The following ANKFN1 variants were observed in gnomAD, a reference collection of about 807,000 sequenced individuals.
ANKFN1 encodes the protein ankyrin repeat and fibronectin type-III domain-containing protein 1.
ANKFN1 carries 74 observed loss-of-function variants against 108.7 expected under a neutral mutation model. The ratio of observed to expected loss-of-function variants is 0.68; its 90% CI spans 0.56 to 0.83. The LOEUF (loss-of-function observed/expected upper bound fraction) is 0.83. Ranked by LOEUF, ANKFN1 falls within the 40% of genes least tolerant of loss-of-function variation. The pLI, the probability that ANKFN1 is intolerant of heterozygous loss-of-function variation, is 0.00. For synonymous variants in ANKFN1, 547 were observed against 516.2 expected (o/e 1.06, Z -0.81); for missense variants, 1,505 against 1,382.3 (o/e 1.09, Z -1.41).
intron 3 of ANKFN1, among the ~76,000 whole-genome samples, chr17:56,232,033 G>A (rs1246817915): frequency 6.6e-6 from 1 of 151,964 alleles, no homozygotes; most frequent in African/African-American, 2.4e-5. Context: ...CTGACTTTGG[G>A]TCATTTGTGC....
At chr17:56,124,070 G>A (rs17212942) in intron 4 of ANKFN1, among the ~76,000 whole-genome samples, 23,622 of 152,022 alleles carry the variant, frequency 0.16, 2,018 homozygotes, top group East Asian at 0.28. Flanking sequence ...ATCTAGGCCT[G>A]TATTTAACAA....
chr17:56,430,966 C>T (rs769100177), intron 8 of ANKFN1, among the ~76,000 whole-genome samples: 11 of 152,152 alleles, frequency 7.2e-5, no homozygotes, highest in Non-Finnish European at 1.2e-4. Context: ...AAATAAATAA[C>T]GAAATAGAAG....
chr17:56,314,227 T>A (rs544469159), intron 3 of ANKFN1, among the ~76,000 whole-genome samples: 3 of 152,360 alleles, frequency 2.0e-5, no homozygotes, highest in Non-Finnish European at 4.4e-5. Context: ...TAACTAAGAC[T>A]GCTATATTCT....
intron 1 of ANKFN1, among the ~76,000 whole-genome samples, chr17:56,154,966 C>G (rs1908963899): frequency 6.6e-6 from 1 of 152,176 alleles, no homozygotes; most frequent in East Asian, 1.9e-4. Context: ...GTTTCTTCAT[C>G]CATGAAGTGA....
intron 4 of ANKFN1, among the ~76,000 whole-genome samples, chr17:56,131,539 T>C (rs1907283164): frequency 6.6e-6 from 1 of 152,240 alleles, no homozygotes; most frequent in Non-Finnish European, 1.5e-5. Flanking sequence ...ATTTAGAGTT[T>C]GGTCTGTTCT....
upstream of ANKFN1, among the ~76,000 whole-genome samples, chr17:56,149,503 G>C: frequency 6.6e-6 from 1 of 152,200 alleles, no homozygotes; most frequent in East Asian, 1.9e-4. Flanking sequence ...AAAGGGTTTT[G>C]AAGGCCAGCA....
At chr17:56,116,645 T>TG (rs1906297265) in intron 4 of ANKFN1, among the ~76,000 whole-genome samples, 1 of 152,144 alleles carries the variant, frequency 6.6e-6, no homozygotes, top group Non-Finnish European at 1.5e-5. Context: ...TGAAGTACCC[T>TG]GAAGGCTTTA....
chr17:56,209,524 G>A (rs1466093046), intron 1 of ANKFN1, among the ~76,000 whole-genome samples: 2 of 152,172 alleles, frequency 1.3e-5, no homozygotes, highest in Non-Finnish European at 2.9e-5. Flanking sequence ...TTGGCTGAAT[G>A]CCTGAAGATA....
intron 1 of ANKFN1, among the ~76,000 whole-genome samples, chr17:56,191,388 A>T (rs1912905666): frequency 1.7e-5 from 1 of 58,720 alleles, no homozygotes; most frequent in African/African-American, 1.5e-4. Context: ...TTCCTTCAGG[A>T]GCTATTTTAG....
intron 11 of ANKFN1, among the ~76,000 whole-genome samples, chr17:56,454,783 AC>A (rs1344624835): frequency 1.3e-5 from 2 of 152,182 alleles, no homozygotes; most frequent in Non-Finnish European, 2.9e-5. Flanking sequence ...AAGCTTATGC[AC>A]AAATCTGCCC....
intron 6 of ANKFN1, among the ~76,000 whole-genome samples, chr17:56,370,090 C>G: frequency 6.6e-6 from 1 of 152,028 alleles, no homozygotes; most frequent in East Asian, 1.9e-4. Context: ...TCATTGCACC[C>G]CCTACTTCAC....
chr17:56,369,111 C>CGCACAGCTA (rs2046742544), intron 6 of ANKFN1, among the ~76,000 whole-genome samples: 1 of 152,236 alleles, frequency 6.6e-6, no homozygotes, highest in Admixed American at 6.5e-5. Context: ...GCACACCTTT[C>CGCACAGCTA]TTTAGCATGC....
chr17:56,153,730 T>C (rs1908823591), intron 1 of ANKFN1, 200 bp downstream of exon 1: 2 of 673,814 alleles, frequency 3.0e-6, no homozygotes, highest in Admixed American at 2.6e-5. Context: ...GGGTCTGTAA[T>C]GTGTGTCTTT....
intron 8 of ANKFN1, among the ~76,000 whole-genome samples, chr17:56,414,028 G>T (rs760145918): frequency 6.6e-6 from 1 of 152,146 alleles, no homozygotes; most frequent in Non-Finnish European, 1.5e-5. Context: ...TGCATCCCAG[G>T]GATAAAGCCT....
rs1479290276 is a variant in ANKFN1 at position 56,158,398 on chromosome 17, C to G, written c.-71+4868C>G. On this transcript the variant is annotated intron_variant, in intron 1 of 20. Transcript: ENST00000682825. ...ACAATGATTCCCTTCCATTTGCCTT[C>G]TTCCATCCTGGTGCTTAGATGAGGT... Among the ~76,000 whole-genome samples, 3 of 152,178 alleles carry G rather than the reference C, an allele frequency of 2.0e-5. No homozygotes were observed. In the East Asian group the frequency reaches 5.8e-4, roughly 29 times the overall value.
At chr17:56,276,585 C>T (rs2043941087) in intron 3 of ANKFN1, among the ~76,000 whole-genome samples, 1 of 152,158 alleles carries the variant, frequency 6.6e-6, no homozygotes, top group Non-Finnish European at 1.5e-5. Context: ...TTTTGATTTG[C>T]ATTTCTCTGA....
intron 1 of ANKFN1, among the ~76,000 whole-genome samples, chr17:56,189,179 T>TTTTTTTTTTTTTTTTTTTTG (rs1244013476): frequency 0.041 from 4,532 of 110,520 alleles, 435 homozygotes; most frequent in African/African-American, 0.1. Flanking sequence ...ACTTTTTTTT[T>TTTTTTTTTTTTTTTTTTTTG]TTTTTTTTTG....
At chr17:56,467,323 C>A (rs777690307) in intron 15 of ANKFN1, among the ~76,000 whole-genome samples, 1 of 152,032 alleles carries the variant, frequency 6.6e-6, no homozygotes, top group Non-Finnish European at 1.5e-5. Flanking sequence ...CATATTTACT[C>A]CTGCATGTTC....
chr17:56,380,907 C>T (rs2047082543), intron 8 of ANKFN1, among the ~76,000 whole-genome samples: 1 of 152,194 alleles, frequency 6.6e-6, no homozygotes, highest in Non-Finnish European at 1.5e-5. Context: ...CTTAAATGTC[C>T]CTGTCTGACA....
Sources: allele counts gnomAD v4.1 joint callset (sites outside exome capture counted in the v4.1 genomes callset), GRCh38; gene constraint gnomAD v4.1.1; transcripts MANE v1.5; gene names NCBI Gene and HGNC (gene_info 2026-07-23, HGNC 2026-07-21).